Variants in DAAM1 observed in about 807,000 individuals in gnomAD.
DAAM1 encodes dishevelled associated activator of morphogenesis 1, also known as disheveled-associated activator of morphogenesis 1.
A neutral mutation model predicts 130.0 loss-of-function variants in DAAM1; 52 were observed. The ratio of observed to expected loss-of-function variants is 0.40; its 90% confidence interval spans 0.32 to 0.50. The LOEUF is 0.50. Among genes scored for constraint, DAAM1 ranks in the 20% least tolerant of loss-of-function variants. The pLI, the probability that DAAM1 is intolerant of heterozygous loss-of-function variation, is 0.61. For synonymous variants in DAAM1, 452 were observed against 444.5 expected, an observed-to-expected ratio of 1.02 and a Z score of -0.21; for missense variants, 1,134 against 1,303.8, an observed-to-expected ratio of 0.87 and a Z score of 2.01.
intron 1 of DAAM1, among the ~76,000 whole-genome samples, chr14:59,212,634 T>C (rs1020039403): frequency 6.6e-6 from 1 of 152,232 alleles, no homozygotes. Context: ...CCTACCCAGC[T>C]TGGACATGCC....
chr14:59,340,018 C>A, intron 15 of DAAM1, 56 bp from the exon 16 acceptor site: 2 of 1,486,330 alleles, frequency 1.3e-6, no homozygotes, highest in Non-Finnish European at 1.9e-6. Flanking sequence ...AAGTGTGTAT[C>A]TGAAGTCTGA....
intron 1 of DAAM1, among the ~76,000 whole-genome samples, chr14:59,224,113 G>A (rs921078576): frequency 2.0e-5 from 3 of 152,214 alleles, no homozygotes; most frequent in African/African-American, 4.8e-5. Flanking sequence ...ACAGCAAACT[G>A]ATTTTGGCTG....
chr14:59,360,149 A>G (rs1167316425), intron 21 of DAAM1, among the ~76,000 whole-genome samples: 1 of 152,184 alleles, frequency 6.6e-6, no homozygotes, highest in Non-Finnish European at 1.5e-5. Flanking sequence ...TAAATGAAGT[A>G]TTGGTGAGTT....
At chr14:59,322,443 G>A (rs1885047092) in intron 5 of DAAM1, among the ~76,000 whole-genome samples, 1 of 151,604 alleles carries the variant, frequency 6.6e-6, no homozygotes, top group Admixed American at 6.6e-5. Context: ...GATCACTTGA[G>A]CCCAAGAGTT....
Position 59,320,497 on chromosome 14 carries a change from C to T in DAAM1, c.353C>T (p.Ser118Phe), listed in dbSNP as rs1455471949. The T allele has an allele frequency of 1.3e-6, 2 of 1,599,870 alleles. No homozygotes were observed. Among genetic ancestry groups the T allele is most frequent in the Non-Finnish European group, 1.7e-6 (2 of 1,175,876 alleles). Residue 118 changes from serine to phenylalanine, a missense_variant, in exon 5 of 25, where the codon TCT (serine) becomes TTT (phenylalanine). By Grantham distance (155) the Ser-to-Phe change is radical. This residue lies in a region of DAAM1 where 391 missense variants were observed against 521.6 expected (regional missense o/e 0.75). Coordinates refer to ENST00000360909, the MANE Select transcript of DAAM1 (RefSeq NM_001270520.2). ...TCTGTTTTCTTTGCATAGAGAAAAT[C>T]TCTGCTGGCTTTAGAGAAGGAAGAA... is the stretch of plus-strand genomic sequence containing the variant. ...DQLNSMAARK[S>F]LLALEKEEEE...
chr14:59,233,846 T>C (rs1388503662), intron 1 of DAAM1, among the ~76,000 whole-genome samples: 3 of 152,244 alleles, frequency 2.0e-5, no homozygotes, highest in African/African-American at 7.2e-5. Context: ...GTTTTCTGCA[T>C]ATGGCTAGCC....
chr14:59,333,057 G>A (rs1885501858), intron 15 of DAAM1, among the ~76,000 whole-genome samples: 1 of 152,060 alleles, frequency 6.6e-6, no homozygotes, highest in Non-Finnish European at 1.5e-5. Context: ...TCAGGCTAGG[G>A]GGAGAAACAA....
intron 1 of DAAM1, among the ~76,000 whole-genome samples, chr14:59,215,537 G>T (rs1193378973): frequency 6.6e-6 from 1 of 152,192 alleles, no homozygotes; most frequent in Admixed American, 6.5e-5. Flanking sequence ...GGCGGCAGCC[G>T]CTGCAGGCTT....
intron 16 of DAAM1, among the ~76,000 whole-genome samples, chr14:59,341,800 C>T (rs1430645084): frequency 6.6e-6 from 1 of 152,106 alleles, no homozygotes; most frequent in Non-Finnish European, 1.5e-5. Flanking sequence ...GTTTTTTTTA[C>T]ATCCTAGAAT....
chr14:59,362,019 C>CTTTTTT (rs35080349), intron 22 of DAAM1, among the ~76,000 whole-genome samples: 1 of 121,726 alleles, frequency 8.2e-6, no homozygotes, highest in Non-Finnish European at 1.6e-5. Context: ...GGTTTTTTTC[C>CTTTTTT]TTTTTTTTTT....
chr14:59,222,607 G>C (rs916933301), intron 1 of DAAM1, among the ~76,000 whole-genome samples: 1 of 152,206 alleles, frequency 6.6e-6, no homozygotes, highest in Admixed American at 6.5e-5. Flanking sequence ...TTGTTCATGA[G>C]CCACTGGGCG....
chr14:59,359,407 C>G lies in DAAM1; in HGVS notation c.2536C>G (p.Leu846Val), dbSNP rs776516448. 1.2e-6 allele frequency: 2 copies of G among 1,611,346 alleles called. No homozygotes were observed. Among genetic ancestry groups the G allele is most frequent in the Non-Finnish European group, 1.7e-6 (2 of 1,177,908 alleles). ...CTTCTTCAATTGTAGAAACATTACC[C>G]TTTTGCACTATCTCATCACTATTGT... ...TKSSIDKNIT[L>V]LHYLITIVEN... is the part of the protein sequence containing the mutation. The change falls in exon 21 of 25, where the codon CTT becomes GTT. Residue 846 changes from leucine to valine, a missense_variant. Leu to Val is a conservative substitution (Grantham distance 32, BLOSUM62 1). This residue lies in a region of DAAM1 where 644 missense variants were observed against 695.9 expected (regional missense o/e 0.93). Transcript: ENST00000360909.
chr14:59,238,683 T>A (rs1889381995), intron 1 of DAAM1, among the ~76,000 whole-genome samples: 1 of 152,218 alleles, frequency 6.6e-6, no homozygotes, highest in Non-Finnish European at 1.5e-5. Context: ...TGTAGCGGCT[T>A]ACTGACTGTT....
intron 1 of DAAM1, among the ~76,000 whole-genome samples, chr14:59,213,920 C>T (rs927373874): frequency 6.6e-6 from 1 of 152,196 alleles, no homozygotes; most frequent in East Asian, 1.9e-4. Flanking sequence ...TGGATTTCAC[C>T]ATCTATCAAA....
intron 2 of DAAM1, among the ~76,000 whole-genome samples, chr14:59,268,050 G>A (rs1390777983): frequency 2.0e-5 from 3 of 151,988 alleles, no homozygotes; most frequent in East Asian, 1.9e-4. Context: ...CCACAAGCAC[G>A]CACCACTGCG....
At chr14:59,359,334 T>C (rs1232429802) in intron 20 of DAAM1, 63 bp from the exon 21 acceptor site, 1 of 1,195,286 alleles carries the variant, frequency 8.4e-7, no homozygotes, top group Non-Finnish European at 1.2e-6. Flanking sequence ...ACTATTCATA[T>C]ATTTATGTAG....
At chr14:59,281,532 G>A (rs1253792454) in intron 2 of DAAM1, among the ~76,000 whole-genome samples, 1 of 151,546 alleles carries the variant, frequency 6.6e-6, no homozygotes, top group African/African-American at 2.4e-5. Context: ...GTTGGAGGAG[G>A]AGGAGGAGGA....
chr14:59,213,278 C>G (rs1308376647), intron 1 of DAAM1, among the ~76,000 whole-genome samples: 1 of 127,528 alleles, frequency 7.8e-6, no homozygotes, highest in African/African-American at 3.0e-5. Flanking sequence ...AGCAGCCTGT[C>G]TGCTTTAAGC....
chr14:59,308,826 C>G (rs761485078), intron 3 of DAAM1, among the ~76,000 whole-genome samples: 5 of 152,210 alleles, frequency 3.3e-5, no homozygotes, highest in Non-Finnish European at 7.3e-5. Context: ...AGAAAAATGA[C>G]TGACATTCTG....
Sources: allele counts gnomAD v4.1 joint callset (sites outside exome capture counted in the v4.1 genomes callset), GRCh38; gene constraint gnomAD v4.1.1; regional missense constraint gnomAD v4.1.1; transcripts MANE v1.5; gene names NCBI Gene and HGNC (gene_info 2026-07-23, HGNC 2026-07-21).